The following CFAP65 variants were observed in gnomAD, a reference collection of about 807,000 sequenced individuals.
The protein encoded by CFAP65 is cilia and flagella associated protein 65.
Under a neutral mutation model 208.0 loss-of-function variants are expected in CFAP65, and 155 were observed. That is an observed-to-expected ratio of 0.75 (90% confidence interval 0.65 to 0.85). The LOEUF is 0.85. Among genes scored for constraint, CFAP65 ranks in the 40% least tolerant of loss-of-function variants. The pLI is 0.00. For synonymous variants in CFAP65, 970 were observed against 986.3 expected, an observed-to-expected ratio of 0.98 and a Z score of 0.31; for missense variants, 2,294 against 2,451.3, an observed-to-expected ratio of 0.94 and a Z score of 1.36.
intron 2 of CFAP65, 120 bp downstream of exon 2, chr2:219,040,399 A>G: frequency 2.9e-6 from 2 of 692,576 alleles, no homozygotes; most frequent in Non-Finnish European, 5.3e-6. Context: ...CTAGTTGGCA[A>G]CATGTCTAAA....
chr2:219,003,949 C>T lies in CFAP65; in HGVS notation c.5555+3G>A. 1 of 1,607,640 alleles carries T rather than the reference C, an allele frequency of 6.2e-7. No individual in the cohort carries two copies. Among genetic ancestry groups the T allele is most frequent in the East Asian group, 2.2e-5 (1 of 44,810 alleles). On this transcript the variant is annotated splice_donor_region_variant and intron_variant, in intron 33 of 34. Coordinates refer to ENST00000341552, the MANE Select transcript of CFAP65 (RefSeq NM_194302.4). The surrounding 1 kb of genome is among the most constrained non-coding windows in gnomAD (Gnocchi z 4.4). ...CCGTCCTCACTGGGGCCTGGCTGCTCACCTTCTGATGGCCTCCTTCTCGTC... is the reference window on the plus strand; with the variant it reads ...CCGTCCTCACTGGGGCCTGGCTGCTTACCTTCTGATGGCCTCCTTCTCGTC...
intron 31 of CFAP65, 121 bp downstream of exon 31, chr2:219,005,900 C>A: frequency 9.9e-7 from 1 of 1,011,786 alleles, no homozygotes. Flanking sequence ...CTCAATGAGC[C>A]CCACTGCTGC....
chr2:219,012,647 A>G (rs891050048), intron 24 of CFAP65, among the ~76,000 whole-genome samples: 2 of 152,276 alleles, frequency 1.3e-5, no homozygotes, highest in African/African-American at 2.4e-5. Context: ...CAGAGCAAGG[A>G]AACTGTATTG....
chr2:219,009,211 T>C, intron 28 of CFAP65, 57 bp from the exon 29 acceptor site: 7 of 1,538,344 alleles, frequency 4.6e-6, no homozygotes, highest in Non-Finnish European at 6.3e-6. Context: ...CCGGGGCCTA[T>C]GCTGTGAGCC....
In CFAP65 at chr2:219,031,124, T is replaced by C. The variant is rs1486768390; in HGVS notation, c.997A>G (p.Ile333Val). ...YGAGSRQRSS[I>V]QLQAVAKCAQ... ...GCCTCACCCACAGCCTGCAGCTGGATGCTGCTCCTCTGCCGGCTGCCCGCC... is the reference window on the plus strand; with the variant it reads ...GCCTCACCCACAGCCTGCAGCTGGACGCTGCTCCTCTGCCGGCTGCCCGCC... Residue 333 changes from isoleucine (I) to valine (V), a missense_variant, in exon 8 of 35, where the codon ATC becomes GTC. Ile to Val is a conservative substitution (Grantham distance 29). Transcript: ENST00000341552. The surrounding 1 kb of genome is among the most constrained non-coding windows in gnomAD (Gnocchi z 5.2). 6.3e-7 allele frequency: 1 copy of C among 1,595,536 alleles called. No individual in the cohort carries two copies. Among genetic ancestry groups the C allele is most frequent in the East Asian group, 2.3e-5 (1 of 44,200 alleles).
chr2:219,035,777 G>T (rs895274706), intron 4 of CFAP65, 113 bp from the exon 5 acceptor site: 2 of 1,474,946 alleles, frequency 1.4e-6, no homozygotes, highest in Non-Finnish European at 1.8e-6. Flanking sequence ...GAAAATAAAA[G>T]ACAAGAAGAA....
At chr2:219,023,946 C>A (rs1015037907) in intron 15 of CFAP65, 69 bp downstream of exon 15, 1 of 1,546,912 alleles carries the variant, frequency 6.5e-7, no homozygotes, top group Non-Finnish European at 8.8e-7. Context: ...CAGAATATGG[C>A]CTTGAAAAGG....
rs1377442090 is a variant in CFAP65, at chr2:219,009,497, G to A, written c.4453-37C>T. The A allele has an allele frequency of 3.5e-6, 5 of 1,433,328 alleles. No homozygotes were observed. The Admixed American group carries it at 8.4e-5, about 24-fold the overall frequency. The allele number at this position is 1,433,328 out of a possible 1,614,324, so 88.8% of individuals were successfully genotyped here. A position where few individuals can be genotyped will look rare whatever the true frequency, so the allele number is the denominator to read the frequency against. ...GGGAAGGAGTCTCTGGAGATTCACA[G>A]GGATGGAATTGGATAGGATGGCACG... is the stretch of plus-strand genomic sequence containing the variant. On this transcript the variant is annotated intron_variant, in intron 27 of 34. Transcript: ENST00000341552.
chr2:219,005,757 G>T (rs1020086037), intron 31 of CFAP65, among the ~76,000 whole-genome samples, 195 bp from the exon 32 acceptor site: 2 of 152,176 alleles, frequency 1.3e-5, no homozygotes, highest in African/African-American at 4.8e-5. Flanking sequence ...GAGCTAGAGA[G>T]ACTCCCAGTT....
intron 3 of CFAP65, 142 bp downstream of exon 3, chr2:219,038,754 C>T: frequency 8.7e-7 from 1 of 1,154,008 alleles, no homozygotes; most frequent in East Asian, 2.4e-5. Flanking sequence ...AGGGCTTTGC[C>T]TGGGAGCCCA....
At chr2:219,018,902 C>T (rs1381482331) in intron 21 of CFAP65, 149 bp downstream of exon 21, 1 of 1,080,248 alleles carries the variant, frequency 9.3e-7, no homozygotes, top group South Asian at 1.5e-5. Flanking sequence ...CCAGTTCCAC[C>T]CTGGCCTCCA....
At chr2:219,029,828 G>A in intron 10 of CFAP65, 158 bp downstream of exon 10, 1 of 1,139,358 alleles carries the variant, frequency 8.8e-7, no homozygotes, top group Non-Finnish European at 1.2e-6. Flanking sequence ...GGGATCTCCA[G>A]GTAGTCACGG....
chr2:219,034,482 A>T (rs566776341), intron 5 of CFAP65: 1 of 152,250 alleles, frequency 6.6e-6, no homozygotes, highest in African/African-American at 2.4e-5. Flanking sequence ...AGGACTTCTT[A>T]GGAGAAGCAT....
chr2:219,012,609 C>T (rs914339517), intron 24 of CFAP65, among the ~76,000 whole-genome samples: 6 of 152,208 alleles, frequency 3.9e-5, no homozygotes, highest in Non-Finnish European at 8.8e-5. Context: ...ATTATGTCCC[C>T]CTCTTGGAGA....
At chr2:219,038,807 G>T (rs965794196) in intron 3 of CFAP65, 89 bp downstream of exon 3, 14 of 1,399,890 alleles carry the variant, frequency 1.0e-5, no homozygotes, top group African/African-American at 1.5e-5. Context: ...GGGACTTGGG[G>T]ACAAGGCCCA....
rs956916004 is a variant in CFAP65, at chr2:219,038,389, T to G, written c.343A>C (p.Thr115Pro). Residue 115 changes from threonine to proline, a missense_variant, in exon 4 of 35, where the codon ACC (threonine) becomes CCC (proline). Coordinates refer to ENST00000341552, the MANE Select transcript of CFAP65 (RefSeq NM_194302.4). Reference protein sequence around the residue: ...DSSAAMSACSTISAQPASSMD... With the variant: ...DSSAAMSACSPISAQPASSMD... ...TGTATCCTTACCTGGGCGCTGATGG[T>G]GCTGCAGGCACTCATGGCTGCACTG... 3.7e-6 allele frequency: 6 copies of G among 1,613,096 alleles called. No homozygotes were observed. Among genetic ancestry groups the G allele is most frequent in the Non-Finnish European group, 5.1e-6 (6 of 1,179,970 alleles).
rs79952245 is a variant in CFAP65, at chr2:219,037,971, G to A, written c.357+404C>T. ...ACACAAAGTCCTAGGGGTCAAGGCC[G>A]GAAGAACTTCCTGAGGAAAGAGAAA... On this transcript the variant is annotated intron_variant, in intron 4 of 34. Transcript: ENST00000341552. Among the ~76,000 whole-genome samples the A allele has an allele frequency of 4.3e-3, 660 of 152,248 alleles. 10 individuals are homozygous for A. The highest frequency in any genetic ancestry group is 0.015 in the African/African-American group (605 of 41,536).
At chr2:219,017,523 A>G (rs1946979710) in intron 21 of CFAP65, among the ~76,000 whole-genome samples, 1 of 152,278 alleles carries the variant, frequency 6.6e-6, no homozygotes, top group Non-Finnish European at 1.5e-5. Flanking sequence ...TTGAAAGGAA[A>G]TACAACAACA....
intron 21 of CFAP65, chr2:219,014,907 C>T (rs560292044): frequency 2.0e-5 from 3 of 150,374 alleles, no homozygotes; most frequent in South Asian, 4.2e-4. Flanking sequence ...AAGTGTGCAA[C>T]GCATACCTGA....
Sources: allele counts gnomAD v4.1 joint callset (sites outside exome capture counted in the v4.1 genomes callset), GRCh38; gene constraint gnomAD v4.1.1; non-coding constraint Gnocchi (gnomAD v3.1); transcripts MANE v1.5; gene names NCBI Gene and HGNC (gene_info 2026-07-23, HGNC 2026-07-21).